The following PNPLA2 variants were observed in gnomAD, a reference collection of about 807,000 sequenced individuals.
PNPLA2 encodes patatin-like phospholipase domain-containing protein 2.
In PNPLA2, 28 loss-of-function variants were observed where a neutral mutation model predicts 39.7. That is an observed-to-expected ratio of 0.70 (90% CI 0.52 to 0.97). The LOEUF is 0.97. Ranked by LOEUF, PNPLA2 falls within the 50% of genes least tolerant of loss-of-function variation. PNPLA2 has a pLI of 0.00. For synonymous variants in PNPLA2, 392 were observed against 321.1 expected, an observed-to-expected ratio of 1.22 and a Z score of -2.36; for missense variants, 768 against 698.2, an observed-to-expected ratio of 1.10 and a Z score of -1.13.
At chr11:824,179 G>A (rs757113937) in intron 8 of PNPLA2, 49 bp downstream of exon 8, 7 of 1,563,514 alleles carry the variant, frequency 4.5e-6, no homozygotes, top group South Asian at 2.3e-5. Context: ...CGGACTTTGG[G>A]ATCATCCGCG....
Position 822,383 on chromosome 11 carries a change from G to C in PNPLA2, c.487-14G>C. 2 of 1,611,100 alleles carry C rather than the reference G, an allele frequency of 1.2e-6. No individual in the cohort carries two copies. Among genetic ancestry groups the C allele is most frequent in the Non-Finnish European group, 1.7e-6 (2 of 1,177,584 alleles). On this transcript the variant is annotated splice_polypyrimidine_tract_variant and intron_variant, in intron 4 of 9. Coordinates refer to ENST00000336615, the MANE Select transcript of PNPLA2 (RefSeq NM_020376.4). ...GGCCCTCACATACGGTCCTGTCTGT[G>C]TGTCCCGTGGAAGCGCTACGTGGAT...
rs780089313 is a variant in PNPLA2, at chr11:824,970, C to T, written c.*108C>T. 92 of 896,690 alleles carry T rather than the reference C, an allele frequency of 1.0e-4. No homozygotes were observed. Among genetic ancestry groups the T allele is most frequent in the Non-Finnish European group, 1.3e-4 (79 of 588,908 alleles). The allele number at this position is 896,690 out of a possible 1,614,324, so 55.5% of individuals were successfully genotyped here. ...GAGGGGTCTTTGCCGTGGGCCCCCTCGCCAGCCACTCACCAGCTGCATGCA... is the reference window on the plus strand; with the variant it reads ...GAGGGGTCTTTGCCGTGGGCCCCCTTGCCAGCCACTCACCAGCTGCATGCA... On this transcript the variant is annotated 3_prime_UTR_variant, in exon 10 of 10. Coordinates refer to ENST00000336615, the MANE Select transcript of PNPLA2 (RefSeq NM_020376.4).
In PNPLA2 at chr11:822,024, G is replaced by C; in HGVS notation, c.486+1G>C. Reference sequence around the variant, plus strand: ...CATCCCTCCCTCCCTCCAGGGGGTGGTGAGTATTCCTAGCCCTGGACACCT... The same window carrying C: ...CATCCCTCCCTCCCTCCAGGGGGTGCTGAGTATTCCTAGCCCTGGACACCT... On this transcript the variant is annotated splice_donor_variant, in intron 4 of 9. Transcript: ENST00000336615. LOFTEE classifies it high-confidence loss of function. The C allele has an allele frequency of 6.2e-7, 1 of 1,613,572 alleles. No homozygotes were observed.
intron 2 of PNPLA2, chr11:821,180 G>T (rs1311986254): frequency 4.1e-6 from 1 of 246,262 alleles, no homozygotes; most frequent in Admixed American, 5.1e-5. Flanking sequence ...ACACAGGTGT[G>T]CCTTCCTAGG....
chr11:822,962 T>C (rs1464894659), intron 5 of PNPLA2, among the ~76,000 whole-genome samples: 4 of 149,228 alleles, frequency 2.7e-5, no homozygotes, highest in African/African-American at 5.0e-5. Context: ...TTAGCTGGGA[T>C]TACAGGCGCC....
chr11:821,927 C>T lies in PNPLA2; in HGVS notation c.421-31C>T, dbSNP rs145895171. On this transcript the variant is annotated intron_variant, in intron 3 of 9. Transcript: ENST00000336615. ...CAGTGGGAACCTCAAGGCCTCTGCT[C>T]ATTCTCTCCCACTCTGTCCCTGCCC... 7.8e-4 allele frequency: 1,264 copies of T among 1,612,970 alleles called. 2 individuals are homozygous for T. The highest frequency in any genetic ancestry group is 9.2e-4 in the Non-Finnish European group (1,089 of 1,179,070).
rs757709967 is a variant in PNPLA2 at position 821,973 on chromosome 11, G to A, written c.436G>A (p.Gly146Ser). ...DELIQANVCS[G>S]FIPVYCGLIP... ...TGCCCTGAAGGCCAATGTCTGCAGC[G>A]GTTTCATCCCCGTGTACTGTGGGCT... The change falls in exon 4 of 10, where the codon GGT (glycine) becomes AGT (serine). Residue 146 changes from glycine to serine, a missense_variant. Coordinates refer to ENST00000336615, the MANE Select transcript of PNPLA2 (RefSeq NM_020376.4). 37 of 1,613,850 alleles carry A rather than the reference G, an allele frequency of 2.3e-5. No individual in the cohort carries two copies. The highest frequency in any genetic ancestry group is 2.9e-5 in the Non-Finnish European group (34 of 1,179,982).
chr11:821,937 C>T (rs1270184638), intron 3 of PNPLA2, 21 bp from the exon 4 acceptor site: 2 of 1,613,574 alleles, frequency 1.2e-6, no homozygotes, highest in Non-Finnish European at 1.7e-6. Flanking sequence ...CATTCTCTCC[C>T]ACTCTGTCCC....
At position 824,070 on chromosome 11, in the gene PNPLA2, C is replaced by T. The variant is rs765466917; in HGVS notation, c.992C>T (p.Ala331Val). ...TLSNMLPVRL[A>V]TAMMVPYTLP... ...TCCAACATGCTGCCTGTGCGTCTGG[C>T]CACGGCCATGATGGTGCCCTACACG... The change falls in exon 8 of 10, where the codon GCC becomes GTC. Residue 331 changes from alanine (A) to valine (V), a missense_variant. Physicochemically the swap from Ala to Val is moderately conservative, Grantham distance 64. Coordinates refer to ENST00000336615, the MANE Select transcript of PNPLA2 (RefSeq NM_020376.4). The T allele has an allele frequency of 1.6e-5, 25 of 1,608,284 alleles. No homozygotes were observed. In the South Asian group the frequency reaches 2.1e-4, roughly 14 times the overall value.
In PNPLA2 at chr11:819,135, C is replaced by T. The variant is rs1193385416; in HGVS notation, c.-146+177C>T. 2.6e-5 allele frequency among the ~76,000 whole-genome samples: 4 copies of T among 152,366 alleles called. No individual in the cohort carries two copies. The East Asian group carries it at 7.7e-4, about 29-fold the overall frequency. ...GGGTGAGCCTGTGGGTCCCGGGGCTCCCGAGGCCTGTGCGGCTTTCAGGTC... is the reference window on the plus strand; with the variant it reads ...GGGTGAGCCTGTGGGTCCCGGGGCTTCCGAGGCCTGTGCGGCTTTCAGGTC... On this transcript the variant is annotated intron_variant, in intron 1 of 9. Transcript: ENST00000336615.
At position 824,090 on chromosome 11, in the gene PNPLA2, T is replaced by G. The variant is rs1845777973; in HGVS notation, c.1012T>G (p.Tyr338Asp). Reference protein sequence around the residue: ...VRLATAMMVPYTLPLESALSF... With the variant: ...VRLATAMMVPDTLPLESALSF... ...TCTGGCCACGGCCATGATGGTGCCC[T>G]ACACGCTGCCGCTGGAGAGCGCTCT... The change falls in exon 8 of 10, where the codon TAC becomes GAC. Residue 338 changes from tyrosine (Y) to aspartate (D), a missense_variant. Physicochemically the swap from Tyr to Asp is radical, Grantham distance 160. Transcript: ENST00000336615. The G allele has an allele frequency of 6.2e-7, 1 of 1,605,652 alleles. No homozygotes were observed. The highest frequency in any genetic ancestry group is 8.5e-7 in the Non-Finnish European group (1 of 1,177,308).
At position 822,484 on chromosome 11, in the gene PNPLA2, G is replaced by T; in HGVS notation, c.574G>T (p.Asp192Tyr). Residue 192 changes from aspartate (D) to tyrosine (Y), a missense_variant, in exon 5 of 10, where the codon GAC becomes TAC. By Grantham distance (160) the Asp-to-Tyr change is radical (BLOSUM62 -3). Coordinates refer to ENST00000336615, the MANE Select transcript of PNPLA2 (RefSeq NM_020376.4). ...AGTGTCCCCCTTCTCGGGCGAGAGT[G>T]ACATCTGTCCGCAGGACAGCTCCAC... The part of the protein sequence containing the change: ...ITVSPFSGES[D>Y]ICPQDSSTNI... 6.2e-7 allele frequency: 1 copy of T among 1,614,108 alleles called. No homozygotes were observed. The highest frequency in any genetic ancestry group is 8.5e-7 in the Non-Finnish European group (1 of 1,180,000).
At chr11:823,647 C>T (rs748673451) in intron 6 of PNPLA2, 47 bp from the exon 7 acceptor site, 3 of 1,599,628 alleles carry the variant, frequency 1.9e-6, no homozygotes, top group Admixed American at 3.4e-5. Flanking sequence ...CCCTGCGGGC[C>T]GCGGCCGCGC....
At chr11:820,922 G>T in intron 2 of PNPLA2, 1 of 153,392 alleles carries the variant, frequency 6.5e-6, no homozygotes, top group Non-Finnish European at 1.5e-5. Context: ...TCCCCACCCT[G>T]CTCCCAACAA....
At chr11:822,209 C>A in intron 4 of PNPLA2, 186 bp downstream of exon 4, 1 of 756,766 alleles carries the variant, frequency 1.3e-6, no homozygotes, top group South Asian at 1.5e-5. Context: ...CTTCCTCCGT[C>A]CCTGCCCTCC....
In PNPLA2 at chr11:819,547, A is replaced by C. The variant is rs1845598680; in HGVS notation, c.-145-27A>C. The C allele has an allele frequency of 6.2e-6, 8 of 1,290,160 alleles. No individual in the cohort carries two copies. In the South Asian group the frequency reaches 1.5e-4, roughly 25 times the overall value. The allele number at this position is 1,290,160 out of a possible 1,614,324, so 79.9% of individuals were successfully genotyped here. A position where few individuals can be genotyped will look rare whatever the true frequency, so the allele number is the denominator to read the frequency against. The stretch of plus-strand genomic sequence containing the variant: ...CCCCGCCGTGAGTCCCACACTTAAA[A>C]GCGCCGCCTCCGCGCCGCCCGCGTA... On this transcript the variant is annotated intron_variant, in intron 1 of 9. Transcript: ENST00000336615.
intron 1 of PNPLA2, 65 bp from the exon 2 acceptor site, chr11:819,509 G>A: frequency 4.0e-6 from 5 of 1,255,566 alleles, no homozygotes; most frequent in Non-Finnish European, 5.0e-6. Flanking sequence ...TGGTCTTCGT[G>A]TGCCGGCCCC....
intron 8 of PNPLA2, 60 bp downstream of exon 8, chr11:824,190 A>G: frequency 6.4e-7 from 1 of 1,557,736 alleles, no homozygotes; most frequent in Non-Finnish European, 8.7e-7. Context: ...ATCATCCGCG[A>G]GTGATGGTTA....
chr11:824,990 CAT>C lies in PNPLA2; in HGVS notation c.*129_*130del. Reference sequence around the variant, plus strand: ...CCCCTCGCCAGCCACTCACCAGCTGCATGCACTGAGAGGGGAGGTTTCCACAC... The same window carrying C: ...CCCCTCGCCAGCCACTCACCAGCTGCGCACTGAGAGGGGAGGTTTCCACAC... On this transcript the variant is annotated 3_prime_UTR_variant, in exon 10 of 10. Coordinates refer to ENST00000336615, the MANE Select transcript of PNPLA2 (RefSeq NM_020376.4). 2 of 82,838 alleles carry C rather than the reference CAT, an allele frequency of 2.4e-5. No individual in the cohort carries two copies. The highest frequency in any genetic ancestry group is 3.3e-4 in the Admixed American group (1 of 3,068). 5.1% of individuals were successfully genotyped at this position (82,838 alleles called of 1,614,324 possible). A position where few individuals can be genotyped will look rare whatever the true frequency, so the allele number is the denominator to read the frequency against.
Sources: allele counts gnomAD v4.1 joint callset (sites outside exome capture counted in the v4.1 genomes callset), GRCh38; gene constraint gnomAD v4.1.1; transcripts MANE v1.5; gene names NCBI Gene and HGNC (gene_info 2026-07-23, HGNC 2026-07-21).